FOXO3: variants seen among roughly 807,000 people sequenced by gnomAD.
FOXO3 encodes the protein forkhead box O3.
FOXO3 carries 4 observed loss-of-function variants against 41.9 expected under a neutral mutation model. That is an observed-to-expected ratio of 0.10 (90% CI 0.05 to 0.22). The LOEUF (loss-of-function observed/expected upper bound fraction) is 0.22. Ranked by LOEUF, FOXO3 falls within the 10% of genes least tolerant of loss-of-function variation. The probability of loss-of-function intolerance (pLI) is 1.00; values close to 1 mark genes in which losing one functional copy is unlikely to be tolerated. For missense variants in FOXO3, 534 were observed against 906.8 expected (o/e 0.59, Z 5.28); for synonymous variants, 318 against 389.3 (o/e 0.82, Z 2.16).
rs1778957497 is a variant in FOXO3, at chr6:108,663,864, C to T, written c.1031C>T (p.Ser344Leu). The T allele has an allele frequency of 2.5e-6, 4 of 1,614,024 alleles. No homozygotes were observed. The highest frequency in any genetic ancestry group is 1.3e-5 in the African/African-American group (1 of 75,058). ...DEVQDDDAPL[S>L]PMLYSSSASL... ...GTCCAGGACGATGATGCGCCTCTCT[C>T]GCCCATGCTCTACAGCAGCTCAGCC... is the stretch of plus-strand genomic sequence containing the variant. The change falls in exon 2 of 3, where the codon TCG (serine) becomes TTG (leucine). Residue 344 changes from serine to leucine, a missense_variant. Ser to Leu is a moderately radical substitution (Grantham distance 145). Transcript: ENST00000406360.
chr6:108,603,019 G>A (rs1285911260), intron 1 of FOXO3, among the ~76,000 whole-genome samples: 1 of 151,956 alleles, frequency 6.6e-6, no homozygotes, highest in Non-Finnish European at 1.5e-5. Flanking sequence ...TCTTTGGATT[G>A]AAAATTACTT....
chr6:108,631,709 C>T (rs1777981693), intron 1 of FOXO3, among the ~76,000 whole-genome samples: 1 of 152,056 alleles, frequency 6.6e-6, no homozygotes, highest in African/African-American at 2.4e-5. Flanking sequence ...TGGGCATATG[C>T]TTACCTGACC....
chr6:108,580,837 A>G (rs1365896017), intron 1 of FOXO3, among the ~76,000 whole-genome samples: 2 of 152,244 alleles, frequency 1.3e-5, no homozygotes, highest in East Asian at 3.9e-4. Flanking sequence ...AAGCATTCAC[A>G]TTGAACACAA....
At chr6:108,609,254 G>A (rs541432069) in intron 1 of FOXO3, among the ~76,000 whole-genome samples, 13 of 152,130 alleles carry the variant, frequency 8.5e-5, no homozygotes, top group Non-Finnish European at 1.6e-4. Context: ...GAATTGTCAC[G>A]TCACTTCCAA....
At chr6:108,637,306 T>C (rs1215711294) in intron 1 of FOXO3, among the ~76,000 whole-genome samples, 1 of 152,134 alleles carries the variant, frequency 6.6e-6, no homozygotes, top group Non-Finnish European at 1.5e-5. Context: ...GAGGTGCTGC[T>C]GGGTTCGGTG....
intron 1 of FOXO3, among the ~76,000 whole-genome samples, chr6:108,660,357 A>G (rs60572111): frequency 0.031 from 4,710 of 152,278 alleles, 236 homozygotes; most frequent in African/African-American, 0.11. Flanking sequence ...CGTAAAAGGA[A>G]TCAGGATATA....
At chr6:108,583,522 G>A (rs1043490588) in intron 1 of FOXO3, among the ~76,000 whole-genome samples, 6 of 152,224 alleles carry the variant, frequency 3.9e-5, no homozygotes, top group African/African-American at 1.4e-4. Context: ...GCAGTTGGCT[G>A]CAAGAGAAAT....
At position 108,683,795 on chromosome 6, in the gene FOXO3, GA is replaced by G. The variant is rs1480412026; in HGVS notation, c.*4004del. 6.6e-6 allele frequency: 1 copy of G among 151,874 alleles called. No individual in the cohort carries two copies. Among genetic ancestry groups the G allele is most frequent in the Non-Finnish European group, 1.5e-5 (1 of 67,992 alleles). The allele number at this position is 151,874 out of a possible 1,614,324, so 9.4% of individuals were successfully genotyped here. A position where few individuals can be genotyped will look rare whatever the true frequency, so the allele number is the denominator to read the frequency against. ...TGCTGTATTTGGGTGAACATTGTATGATTAGGCATAATGTTAAAAAAAAAAA... is the reference window on the plus strand; with the variant it reads ...TGCTGTATTTGGGTGAACATTGTATGTTAGGCATAATGTTAAAAAAAAAAA... On this transcript the variant is annotated 3_prime_UTR_variant, in exon 3 of 3. Transcript: ENST00000406360.
At chr6:108,608,813 G>T (rs774862022) in intron 1 of FOXO3, among the ~76,000 whole-genome samples, 11 of 152,188 alleles carry the variant, frequency 7.2e-5, no homozygotes, top group Non-Finnish European at 1.3e-4. Context: ...CTCAGAGAGA[G>T]GGTAGGGGAA....
At chr6:108,658,029 G>A (rs933421229) in intron 1 of FOXO3, among the ~76,000 whole-genome samples, 1 of 152,148 alleles carries the variant, frequency 6.6e-6, no homozygotes, top group Non-Finnish European at 1.5e-5. Context: ...TCTTCTGCGG[G>A]GCTGACTGTG....
At chr6:108,560,357 C>T (rs920734373), upstream of FOXO3, among the ~76,000 whole-genome samples, 2 of 152,206 alleles carry the variant, frequency 1.3e-5, no homozygotes, top group African/African-American at 4.8e-5. Flanking sequence ...GCAAACCACA[C>T]AAAACCCCGA....
intron 1 of FOXO3, among the ~76,000 whole-genome samples, chr6:108,622,280 A>G (rs890787249): frequency 2.7e-5 from 4 of 148,840 alleles, no homozygotes; most frequent in Non-Finnish European, 5.9e-5. Context: ...AAAAAAAAAA[A>G]GGCAGGGATA....
intron 1 of FOXO3, among the ~76,000 whole-genome samples, chr6:108,659,623 T>C (rs1010636215): frequency 1.3e-5 from 2 of 152,118 alleles, no homozygotes; most frequent in African/African-American, 2.4e-5. Context: ...CTGACAGTGC[T>C]GTAATCTGGC....
chr6:108,674,427 A>G (rs1240963590), intron 2 of FOXO3, among the ~76,000 whole-genome samples: 2 of 152,258 alleles, frequency 1.3e-5, no homozygotes, highest in African/African-American at 4.8e-5. Flanking sequence ...GGAAGATACC[A>G]GACAGTGCTC....
intron 1 of FOXO3, among the ~76,000 whole-genome samples, chr6:108,590,522 A>G (rs1459659668): frequency 6.6e-6 from 1 of 152,240 alleles, no homozygotes. Flanking sequence ...TGTATGAAAC[A>G]TAAGTGAATT....
At chr6:108,673,780 G>A (rs567568793) in intron 2 of FOXO3, among the ~76,000 whole-genome samples, 43 of 152,146 alleles carry the variant, frequency 2.8e-4, no homozygotes, top group Non-Finnish European at 5.6e-4. Flanking sequence ...ACACACCCCA[G>A]TAAATGCAGT....
At chr6:108,648,894 A>G (rs1778466814) in intron 1 of FOXO3, among the ~76,000 whole-genome samples, 1 of 151,450 alleles carries the variant, frequency 6.6e-6, no homozygotes, top group African/African-American at 2.4e-5. Flanking sequence ...CTTCTCAGGA[A>G]GCTGAGGTAG....
chr6:108,576,281 T>A (rs1776259724), intron 1 of FOXO3, among the ~76,000 whole-genome samples: 1 of 152,216 alleles, frequency 6.6e-6, no homozygotes, highest in Non-Finnish European at 1.5e-5. Context: ...CTAGGTGATT[T>A]GGGCCATATT....
At chr6:108,623,265 CT>C in intron 1 of FOXO3, among the ~76,000 whole-genome samples, 1 of 152,116 alleles carries the variant, frequency 6.6e-6, no homozygotes, top group Non-Finnish European at 1.5e-5. Context: ...ATAAGTTGGC[CT>C]CTTTTCATGA....
Sources: allele counts gnomAD v4.1 joint callset (sites outside exome capture counted in the v4.1 genomes callset), GRCh38; gene constraint gnomAD v4.1.1; transcripts MANE v1.5; gene names NCBI Gene and HGNC (gene_info 2026-07-23, HGNC 2026-07-21).